The following SLCO3A1 variants were observed in gnomAD, a reference collection of about 807,000 sequenced individuals.
SLCO3A1 encodes PGE1 transporter.
A neutral mutation model predicts 63.1 loss-of-function variants in SLCO3A1; 27 were observed. That is an observed-to-expected ratio of 0.43 (90% CI 0.32 to 0.59). The LOEUF is 0.59. Among genes scored for constraint, SLCO3A1 ranks in the 20% least tolerant of loss-of-function variants. The probability of loss-of-function intolerance (pLI) is 0.09; values close to 1 mark genes in which losing one functional copy is unlikely to be tolerated. For missense variants in SLCO3A1, 773 were observed against 945.8 expected (o/e 0.82, Z 2.40); for synonymous variants, 473 against 409.9 (o/e 1.15, Z -1.86).
chr15:91,952,396 C>A (rs147144209), intron 2 of SLCO3A1, among the ~76,000 whole-genome samples: 5 of 152,162 alleles, frequency 3.3e-5, no homozygotes, highest in Non-Finnish European at 1.5e-5. Flanking sequence ...GAAACTCTAC[C>A]AAAGAACAGT....
intron 2 of SLCO3A1, among the ~76,000 whole-genome samples, chr15:92,035,082 A>G (rs368729110): frequency 2.6e-5 from 4 of 151,848 alleles, no homozygotes; most frequent in African/African-American, 7.2e-5. Flanking sequence ...TCCCAGGTAC[A>G]TGGGTTTTTG....
At chr15:92,140,767 T>A (rs1220105360) in intron 7 of SLCO3A1, among the ~76,000 whole-genome samples, 2 of 152,232 alleles carry the variant, frequency 1.3e-5, no homozygotes, top group Non-Finnish European at 2.9e-5. Flanking sequence ...CATTGTTGGT[T>A]TAAAGTCTGT....
intron 8 of SLCO3A1, chr15:92,149,314 A>G (rs185969472): frequency 1.1e-4 from 16 of 152,372 alleles, no homozygotes; most frequent in Admixed American, 6.5e-4. Context: ...AGCGCATGCT[A>G]TGCATTGTGC....
At chr15:91,933,640 C>T (rs908190492) in intron 2 of SLCO3A1, among the ~76,000 whole-genome samples, 3 of 152,184 alleles carry the variant, frequency 2.0e-5, no homozygotes, top group African/African-American at 7.2e-5. Context: ...AAACATGTGG[C>T]ACTCTGTGCT....
intron 2 of SLCO3A1, among the ~76,000 whole-genome samples, chr15:92,093,607 T>C (rs1417928589): frequency 6.6e-6 from 1 of 152,146 alleles, no homozygotes; most frequent in Non-Finnish European, 1.5e-5. Context: ...TTTCCCCACC[T>C]CAAGTCAATG....
At chr15:91,936,681 C>A (rs1899425843) in intron 2 of SLCO3A1, among the ~76,000 whole-genome samples, 1 of 152,222 alleles carries the variant, frequency 6.6e-6, no homozygotes, top group Admixed American at 6.5e-5. Flanking sequence ...GAAGCCCTTG[C>A]AGATACATAG....
At chr15:91,988,117 G>A (rs539078149) in intron 2 of SLCO3A1, among the ~76,000 whole-genome samples, 27 of 152,260 alleles carry the variant, frequency 1.8e-4, no homozygotes, top group South Asian at 1.2e-3. Flanking sequence ...GAAAAATGGC[G>A]TAGGGTTGGG....
chr15:92,063,413 G>A (rs1417143859), intron 2 of SLCO3A1, among the ~76,000 whole-genome samples: 1 of 152,134 alleles, frequency 6.6e-6, no homozygotes, highest in African/African-American at 2.4e-5. Flanking sequence ...TTAGCCAAGT[G>A]ACCTGGACAT....
chr15:91,944,802 A>G (rs1308721309), intron 2 of SLCO3A1, among the ~76,000 whole-genome samples: 1 of 152,074 alleles, frequency 6.6e-6, no homozygotes, highest in African/African-American at 2.4e-5. Flanking sequence ...AGAGGGGGAA[A>G]GGCACGAGCA....
intron 1 of SLCO3A1, among the ~76,000 whole-genome samples, chr15:91,914,511 G>GGC (rs959728418): frequency 1.3e-5 from 2 of 151,616 alleles, no homozygotes; most frequent in African/African-American, 4.8e-5. Flanking sequence ...TCACCCCTGT[G>GGC]GCATTTGTGG....
At chr15:91,919,894 G>C (rs940051327) in intron 2 of SLCO3A1, among the ~76,000 whole-genome samples, 2 of 151,998 alleles carry the variant, frequency 1.3e-5, no homozygotes, top group African/African-American at 4.8e-5. Flanking sequence ...AGAGAATATT[G>C]TAGCTTTATG....
chr15:92,008,141 AAGACCTTTTTTTCTTC>A (rs2046332057), intron 2 of SLCO3A1, among the ~76,000 whole-genome samples: 1 of 152,152 alleles, frequency 6.6e-6, no homozygotes, highest in South Asian at 2.1e-4. Flanking sequence ...GCAAAACTGA[AAGACCTTTTTTTCTTC>A]CTGCAAACAC....
At chr15:91,890,361 A>G (rs1275105455) in intron 1 of SLCO3A1, among the ~76,000 whole-genome samples, 2 of 152,092 alleles carry the variant, frequency 1.3e-5, no homozygotes, top group Non-Finnish European at 2.9e-5. Flanking sequence ...CCTAATCATG[A>G]CTATGTGCTC....
At chr15:92,126,791 T>G (rs2047929802) in intron 6 of SLCO3A1, among the ~76,000 whole-genome samples, 1 of 152,164 alleles carries the variant, frequency 6.6e-6, no homozygotes, top group Admixed American at 6.5e-5. Flanking sequence ...ATCCCAAGAC[T>G]TGGGACTAGA....
chr15:91,880,151 A>G (rs575453866), intron 1 of SLCO3A1, among the ~76,000 whole-genome samples: 8 of 149,074 alleles, frequency 5.4e-5, no homozygotes, highest in Middle Eastern at 3.4e-3. Flanking sequence ...CCATCCATCC[A>G]TCCATCCATC....
intron 2 of SLCO3A1, among the ~76,000 whole-genome samples, chr15:92,034,020 G>A (rs1053295565): frequency 5.4e-5 from 8 of 146,792 alleles, no homozygotes; most frequent in African/African-American, 2.0e-4. Context: ...TGACCATTGG[G>A]CTGATCTTGG....
Position 92,132,085 on chromosome 15 carries a change from G to A in SLCO3A1, c.1512+3596G>A, listed in dbSNP as rs1433855395. Among the ~76,000 whole-genome samples the A allele has an allele frequency of 2.1e-5, 3 of 145,656 alleles. 1 individual carries two copies. Among genetic ancestry groups the A allele is most frequent in the African/African-American group, 7.5e-5 (3 of 40,170 alleles). ...TGTACTGACCTCAGAGAGCCCCAGG[G>A]ATCCAGGGGTAATACCATTCTCTTG... On this transcript the variant is annotated intron_variant, in intron 7 of 9. Coordinates refer to ENST00000318445, the MANE Select transcript of SLCO3A1 (RefSeq NM_013272.4).
At chr15:92,020,368 C>G (rs538520880) in intron 2 of SLCO3A1, among the ~76,000 whole-genome samples, 74 of 152,214 alleles carry the variant, frequency 4.9e-4, no homozygotes, top group Non-Finnish European at 8.7e-4. Context: ...AATCTGTCAA[C>G]TCAATGGATT....
intron 2 of SLCO3A1, among the ~76,000 whole-genome samples, chr15:92,038,241 T>C (rs2046752006): frequency 1.3e-5 from 2 of 152,100 alleles, no homozygotes; most frequent in South Asian, 4.2e-4. Flanking sequence ...CAGGAGAAAA[T>C]ATATGAGCTA....
Sources: allele counts gnomAD v4.1 joint callset (sites outside exome capture counted in the v4.1 genomes callset), GRCh38; gene constraint gnomAD v4.1.1; transcripts MANE v1.5; gene names NCBI Gene and HGNC (gene_info 2026-07-23, HGNC 2026-07-21).